The following ICE1 variants were observed in gnomAD, a reference collection of about 807,000 sequenced individuals.
ICE1 encodes little elongation complex subunit 1.
ICE1 carries 64 observed loss-of-function variants against 192.7 expected under a neutral mutation model. That is an observed-to-expected ratio of 0.33 (90% CI 0.27 to 0.41). The LOEUF (loss-of-function observed/expected upper bound fraction) is 0.41, where lower values mean the gene tolerates loss of function less well. Ranked by LOEUF, ICE1 falls within the 10% of genes least tolerant of loss-of-function variation. ICE1 has a pLI of 1.00. For missense variants in ICE1, 2,708 were observed against 2,696.0 expected (o/e 1.00, Z -0.10); for synonymous variants, 1,010 against 984.5 (o/e 1.03, Z -0.49).
At chr5:5,465,919 A>T (rs1273785181) in intron 13 of ICE1, among the ~76,000 whole-genome samples, 1 of 152,218 alleles carries the variant, frequency 6.6e-6, no homozygotes, top group African/African-American at 2.4e-5. Flanking sequence ...TTTAAATTTA[A>T]ACAGTATATA....
intron 15 of ICE1, among the ~76,000 whole-genome samples, chr5:5,472,327 T>TA (rs2111395525): frequency 6.6e-6 from 1 of 152,304 alleles, no homozygotes; most frequent in African/African-American, 2.4e-5. Context: ...CTAATTAAAA[T>TA]TATGATTCTA....
intron 11 of ICE1, among the ~76,000 whole-genome samples, chr5:5,455,381 C>T (rs938610333): frequency 6.6e-6 from 1 of 152,172 alleles, no homozygotes; most frequent in Non-Finnish European, 1.5e-5. Context: ...CTGCCAGGTA[C>T]CCATTGGTAT....
Position 5,467,764 on chromosome 5 carries a change from TGATA to T in ICE1, c.6062-1059_6062-1056del, listed in dbSNP as rs375306808. 3.3e-3 allele frequency among the ~76,000 whole-genome samples: 504 copies of T among 152,332 alleles called. 3 individuals carry two copies. Among genetic ancestry groups the T allele is most frequent in the African/African-American group, 0.011 (475 of 41,578 alleles). On this transcript the variant is annotated intron_variant, in intron 14 of 18. Coordinates refer to ENST00000296564, the MANE Select transcript of ICE1 (RefSeq NM_015325.3). The stretch of plus-strand genomic sequence containing the variant: ...AGCTATCTATTCTTAGATGTGTCAG[TGATA>T]GATAAAGTAGAACAAAGAAAACTAA...
chr5:5,467,996 A>G lies in ICE1; in HGVS notation c.6062-832A>G, dbSNP rs139349134. Among the ~76,000 whole-genome samples the G allele has an allele frequency of 3.9e-5, 6 of 152,338 alleles. No homozygotes were observed. The East Asian group carries it at 9.7e-4, about 25-fold the overall frequency. ...GTAACATCTTGACTCATAGGAGCCC[A>G]TAACTGGAAACAAATGTCCATCAGC... On this transcript the variant is annotated intron_variant, in intron 14 of 18. Transcript: ENST00000296564.
At chr5:5,445,999 G>A (rs550184016) in intron 7 of ICE1, among the ~76,000 whole-genome samples, 9 of 151,918 alleles carry the variant, frequency 5.9e-5, no homozygotes, top group East Asian at 1.9e-4. Context: ...GATTACAGGC[G>A]TGAGTCACCG....
intron 6 of ICE1, 132 bp from the exon 7 acceptor site, chr5:5,444,157 A>G: frequency 1.6e-6 from 1 of 631,348 alleles, no homozygotes; most frequent in Non-Finnish European, 2.8e-6. Context: ...ATTCTCTCTT[A>G]GGATACTAGT....
Position 5,464,349 on chromosome 5 carries a change from T to G in ICE1, c.5015T>G (p.Phe1672Cys), listed in dbSNP as rs1181400391. 2.5e-6 allele frequency: 4 copies of G among 1,613,676 alleles called. No individual in the cohort carries two copies. Among genetic ancestry groups the G allele is most frequent in the Admixed American group, 1.7e-5 (1 of 59,986 alleles). The change falls in exon 13 of 19, where the codon TTC (phenylalanine) becomes TGC (cysteine). Residue 1672 changes from phenylalanine (F) to cysteine (C), a missense_variant. Coordinates refer to ENST00000296564, the MANE Select transcript of ICE1 (RefSeq NM_015325.3). This position sits in a 1 kb window ranked among gnomAD's most constrained non-coding sequence, Gnocchi z 4.0. ...TCTCCTGTTGGCCAGGTTTCTCCCT[T>G]CCGTGAAACCCCAGTGCCTCCTGCC... ...PASPVGQVSP[F>C]RETPVPPAMS... is the part of the protein sequence containing the mutation.
Position 5,441,233 on chromosome 5 carries a change from A to G in ICE1, c.309+10A>G. The stretch of plus-strand genomic sequence containing the variant: ...GCTAGAAGAGAAAAAGGTATGAACA[A>G]TAATTTTCTGTAAAGATTTACGGTC... On this transcript the variant is annotated intron_variant, in intron 5 of 18. Transcript: ENST00000296564. The G allele has an allele frequency of 1.4e-6, 2 of 1,470,036 alleles. No individual in the cohort carries two copies. The highest frequency in any genetic ancestry group is 1.2e-5 in the South Asian group (1 of 82,224). 91.1% of individuals were successfully genotyped at this position (1,470,036 alleles called of 1,614,324 possible).
chr5:5,436,269 G>T, intron 1 of ICE1, 149 bp from the exon 2 acceptor site: 1 of 468,984 alleles, frequency 2.1e-6, no homozygotes. Context: ...CATAGGCTCA[G>T]ATTGTGCTCT....
At chr5:5,430,240 G>T (rs1737662629) in intron 1 of ICE1, among the ~76,000 whole-genome samples, 1 of 152,038 alleles carries the variant, frequency 6.6e-6, no homozygotes, top group South Asian at 2.1e-4. Context: ...CAATTGCGAG[G>T]TTCATTATTT....
At chr5:5,428,229 G>A (rs921355432) in intron 1 of ICE1, among the ~76,000 whole-genome samples, 4 of 152,046 alleles carry the variant, frequency 2.6e-5, no homozygotes, top group African/African-American at 7.2e-5. Flanking sequence ...TTAGAGAGAG[G>A]TGGACATTCC....
intron 15 of ICE1, 29 bp from the exon 16 acceptor site, chr5:5,473,529 A>G: frequency 6.3e-7 from 1 of 1,585,826 alleles, no homozygotes; most frequent in Non-Finnish European, 8.6e-7. Flanking sequence ...GAAACTCCAG[A>G]TTTTATTTTA....
Position 5,439,877 on chromosome 5 carries a change from T to C in ICE1, c.179-18T>C. On this transcript the variant is annotated intron_variant, in intron 3 of 18. Coordinates refer to ENST00000296564, the MANE Select transcript of ICE1 (RefSeq NM_015325.3). Reference sequence around the variant, plus strand: ...ATCAGAAGATAAAATTCTCAGAGTTTTCTTTAATAAGTTTTACAGCTGCAG... The same window carrying C: ...ATCAGAAGATAAAATTCTCAGAGTTCTCTTTAATAAGTTTTACAGCTGCAG... 6.6e-7 allele frequency: 1 copy of C among 1,526,324 alleles called. No individual in the cohort carries two copies. Among genetic ancestry groups the C allele is most frequent in the Non-Finnish European group, 8.8e-7 (1 of 1,132,206 alleles). The allele number at this position is 1,526,324 out of a possible 1,614,324, so 94.5% of individuals were successfully genotyped here. A position where few individuals can be genotyped will look rare whatever the true frequency, so the allele number is the denominator to read the frequency against.
At position 5,461,728 on chromosome 5, in the gene ICE1, GA is replaced by G; in HGVS notation, c.2397del (p.Gly800ValfsTer6). 6.2e-7 allele frequency: 1 copy of G among 1,613,708 alleles called. No individual in the cohort carries two copies. Among genetic ancestry groups the G allele is most frequent in the Non-Finnish European group, 8.5e-7 (1 of 1,179,768 alleles). On this transcript the variant is annotated frameshift_variant, in exon 13 of 19. Coordinates refer to ENST00000296564, the MANE Select transcript of ICE1 (RefSeq NM_015325.3). LOFTEE classifies it high-confidence loss of function. ...TSWHHSDLLR[K>X]GGEESLRAKS... is the part of the protein sequence containing the mutation. ...CATGGCACCATAGTGATTTATTAAG[GA>G]AAGGTGGCGAAGAAAGTCTGAGAGC...
chr5:5,438,588 C>T (rs936122389), intron 3 of ICE1, among the ~76,000 whole-genome samples: 1 of 152,020 alleles, frequency 6.6e-6, no homozygotes, highest in Non-Finnish European at 1.5e-5. Flanking sequence ...TTTTAGAAGG[C>T]TAAATAGGGA....
At chr5:5,470,235 G>A (rs990415651) in intron 15 of ICE1, among the ~76,000 whole-genome samples, 1 of 152,130 alleles carries the variant, frequency 6.6e-6, no homozygotes, top group Non-Finnish European at 1.5e-5. Flanking sequence ...GCCTACAGGG[G>A]GTTACCTGTT....
intron 18 of ICE1, among the ~76,000 whole-genome samples, chr5:5,487,239 G>T (rs538722198): frequency 1.3e-5 from 2 of 152,164 alleles, no homozygotes; most frequent in African/African-American, 2.4e-5. Context: ...TAGCATCAAG[G>T]GGGGAGAGCT....
At chr5:5,453,566 A>C (rs541041543) in intron 10 of ICE1, among the ~76,000 whole-genome samples, 35 of 152,330 alleles carry the variant, frequency 2.3e-4, no homozygotes, top group Admixed American at 6.5e-4. Context: ...TAAAAAACTT[A>C]AGTTCAAGGA....
chr5:5,478,383 C>T (rs1488215720), intron 17 of ICE1, among the ~76,000 whole-genome samples: 1 of 152,104 alleles, frequency 6.6e-6, no homozygotes, highest in Non-Finnish European at 1.5e-5. Flanking sequence ...GAATAAAATG[C>T]CTAGTAATAA....
Sources: gnomAD v4.1 joint callset for allele counts (sites outside exome capture counted in the v4.1 genomes callset) on GRCh38, gnomAD v4.1.1 for gene constraint, Gnocchi (gnomAD v3.1) non-coding constraint, MANE v1.5 for transcripts, NCBI Gene and HGNC (gene_info 2026-07-23, HGNC 2026-07-21) for gene names.